The following ARAP2 variants were observed in gnomAD, a reference collection of about 807,000 sequenced individuals.
ARAP2 encodes ArfGAP with RhoGAP domain, ankyrin repeat and PH domain 2, also known as arf-GAP with Rho-GAP domain, ANK repeat and PH domain-containing protein 2.
In ARAP2, 148 loss-of-function variants were observed where a neutral mutation model predicts 194.5. The ratio of observed to expected loss-of-function variants is 0.76; its 90% confidence interval spans 0.67 to 0.87. The LOEUF is 0.87. ARAP2 is among the 40% of genes least tolerant of loss of function. ARAP2 has a pLI of 0.00. For synonymous variants in ARAP2, 695 were observed against 683.5 expected (o/e 1.02, Z -0.26); for missense variants, 2,128 against 1,989.7 (o/e 1.07, Z -1.32).
rs1456652433 is a variant in ARAP2, at chr4:36,014,366, GAAAGAA to G, written n.1056+1014_1056+1019del. Among the ~76,000 whole-genome samples, 88 of 133,762 alleles carry G rather than the reference GAAAGAA, an allele frequency of 6.6e-4. 4 individuals carry two copies. Among genetic ancestry groups the G allele is most frequent in the African/African-American group, 2.4e-3 (71 of 30,136 alleles). 87.8% of individuals were successfully genotyped at this position (133,762 alleles called of 152,430 possible). On this transcript the variant is annotated intron_variant and non_coding_transcript_variant, in intron 8 of 12. Coordinates refer to the ARAP2 transcript ENST00000503225. ...AGAAAGAAAGAAAGAAAGAAAGAAAGAAAGAAAGAAAGAAAGAAAATGTAAGTAGCA... is the reference window on the plus strand; with the variant it reads ...AGAAAGAAAGAAAGAAAGAAAGAAAGAGAAAGAAAGAAAATGTAAGTAGCA...
intron 19 of ARAP2, among the ~76,000 whole-genome samples, chr4:36,134,989 C>T (rs1726328615): frequency 6.6e-6 from 1 of 151,732 alleles, no homozygotes; most frequent in African/African-American, 2.4e-5. Flanking sequence ...AACCTTTACA[C>T]AGGCAAGCAA....
chr4:36,039,738 G>C (rs887301663), intron 5 of ARAP2, among the ~76,000 whole-genome samples: 1 of 152,092 alleles, frequency 6.6e-6, no homozygotes, highest in Non-Finnish European at 1.5e-5. Context: ...AAATACTCTT[G>C]ACTTAGCAAG....
intron 9 of ARAP2, among the ~76,000 whole-genome samples, chr4:36,009,187 A>G (rs1462452208): frequency 6.6e-6 from 1 of 152,142 alleles, no homozygotes; most frequent in Non-Finnish European, 1.5e-5. Flanking sequence ...CAGCAATCTC[A>G]TTACTGAGTA....
intron 5 of ARAP2, among the ~76,000 whole-genome samples, chr4:36,042,222 A>G (rs78989346): frequency 0.014 from 2,087 of 152,304 alleles, 44 homozygotes; most frequent in African/African-American, 0.047. Flanking sequence ...ATATTTTTTC[A>G]ACATGTGGCA....
chr4:36,193,182 T>G (rs1319599687), intron 7 of ARAP2, among the ~76,000 whole-genome samples: 1 of 152,210 alleles, frequency 6.6e-6, no homozygotes, highest in Non-Finnish European at 1.5e-5. Context: ...TATGTTGCAG[T>G]ATGTGTTACT....
intron 16 of ARAP2, among the ~76,000 whole-genome samples, chr4:36,149,663 T>C (rs1730480905): frequency 6.6e-6 from 1 of 152,220 alleles, no homozygotes; most frequent in Non-Finnish European, 1.5e-5. Context: ...TAACTTAATA[T>C]ATAGAATCTA....
intron 10 of ARAP2, among the ~76,000 whole-genome samples, chr4:36,165,574 CT>C (rs879852549): frequency 2.1e-3 from 300 of 143,754 alleles, no homozygotes; most frequent in Middle Eastern, 7.4e-3. Context: ...AGAATAGATT[CT>C]TTTTTTTTTT....
intron 5 of ARAP2, among the ~76,000 whole-genome samples, chr4:36,211,931 G>T (rs1043139913): frequency 6.6e-6 from 1 of 151,902 alleles, no homozygotes; most frequent in Non-Finnish European, 1.5e-5. Flanking sequence ...AATTGAAGTT[G>T]GTGCATACAA....
intron 7 of ARAP2, 102 bp downstream of exon 7, chr4:36,193,476 T>C (rs1742402218): frequency 6.7e-6 from 4 of 598,788 alleles, no homozygotes; most frequent in Non-Finnish European, 1.1e-5. Context: ...ATTCTTTTCA[T>C]GTTGAGAATC....
At chr4:36,022,584 C>T (rs1478525078) in intron 5 of ARAP2, among the ~76,000 whole-genome samples, 1 of 152,016 alleles carries the variant, frequency 6.6e-6, no homozygotes, top group Non-Finnish European at 1.5e-5. Flanking sequence ...GGTTACAAGG[C>T]CATTGACTAC....
rs1300297122 is a variant in ARAP2, at chr4:36,244,292, C to T, written c.-273G>A. On this transcript the variant is annotated 5_prime_UTR_variant, in exon 1 of 33. Coordinates refer to ENST00000303965, the MANE Select transcript of ARAP2 (RefSeq NM_015230.4). ...GTCCTCGCCCCTCTGCCGGAGGCGC[C>T]AGGCCTCCTCTTTCCCGGTCCCCGC... The T allele has an allele frequency of 4.6e-5, 7 of 151,954 alleles. No individual in the cohort carries two copies. Among genetic ancestry groups the T allele is most frequent in the Non-Finnish European group, 8.8e-5 (6 of 67,946 alleles). 9.4% of individuals were successfully genotyped at this position (151,954 alleles called of 1,614,324 possible).
intron 2 of ARAP2, among the ~76,000 whole-genome samples, chr4:36,224,966 T>A (rs1749982722): frequency 6.6e-6 from 1 of 152,204 alleles, no homozygotes; most frequent in Admixed American, 6.5e-5. Context: ...ATTGTTGACA[T>A]TAAAATCTAT....
chr4:36,130,290 C>T lies in ARAP2; in HGVS notation c.3428-1545G>A, dbSNP rs528524009. On this transcript the variant is annotated intron_variant, in intron 20 of 32. Coordinates refer to ENST00000303965, the MANE Select transcript of ARAP2 (RefSeq NM_015230.4). ...GAATGCTGCCCTCCTGCTGCCTATG[C>T]GGCAAAGTTTGAGGATTTTAGTTTG... Among the ~76,000 whole-genome samples the T allele has an allele frequency of 5.3e-5, 8 of 152,072 alleles. No individual in the cohort carries two copies. In the South Asian group the frequency reaches 6.2e-4, roughly 12 times the overall value.
chr4:36,228,517 C>T, intron 2 of ARAP2, 65 bp downstream of exon 2: 1 of 1,454,694 alleles, frequency 6.9e-7, no homozygotes. Flanking sequence ...GAAAATATAA[C>T]TGTTAAAAAA....
At chr4:36,082,313 C>T in intron 29 of ARAP2, 27 bp from the exon 30 acceptor site, 3 of 1,594,752 alleles carry the variant, frequency 1.9e-6, no homozygotes, top group African/African-American at 1.4e-5. Flanking sequence ...AAAAAACACA[C>T]ATAAATTAAA....
At chr4:36,183,243 G>A (rs1430529144) in intron 8 of ARAP2, among the ~76,000 whole-genome samples, 2 of 151,592 alleles carry the variant, frequency 1.3e-5, no homozygotes, top group African/African-American at 4.8e-5. Context: ...GAGTCTGCTT[G>A]CCCAGAAAAA....
At chr4:36,139,516 T>C (rs900085896) in intron 19 of ARAP2, among the ~76,000 whole-genome samples, 1 of 151,702 alleles carries the variant, frequency 6.6e-6, no homozygotes, top group Non-Finnish European at 1.5e-5. Flanking sequence ...TAAAAATATA[T>C]TCCGTTTATT....
At chr4:36,130,631 A>G (rs997213632) in intron 20 of ARAP2, among the ~76,000 whole-genome samples, 6 of 152,000 alleles carry the variant, frequency 3.9e-5, no homozygotes, top group African/African-American at 1.4e-4. Context: ...TCTTTACTAG[A>G]GAATTTTATA....
chr4:36,063,462 GAA>G (rs11286192), downstream of ARAP2, among the ~76,000 whole-genome samples: 58 of 132,264 alleles, frequency 4.4e-4, no homozygotes, highest in East Asian at 8.8e-3. Flanking sequence ...TTTAAAAAAA[GAA>G]AAAAAAAAAA....
Sources: allele counts gnomAD v4.1 joint callset (sites outside exome capture counted in the v4.1 genomes callset), GRCh38; gene constraint gnomAD v4.1.1; transcripts MANE v1.5; gene names NCBI Gene and HGNC (gene_info 2026-07-23, HGNC 2026-07-21).